Variants in FAT3 observed in about 807,000 individuals in gnomAD.
The protein encoded by FAT3 is protocadherin Fat 3.
A neutral mutation model predicts 310.2 loss-of-function variants in FAT3; 95 were observed. The observed-to-expected ratio is 0.31, with a 90% CI of 0.26 to 0.36. The LOEUF is 0.36. FAT3 is among the 10% of genes least tolerant of loss of function. The probability of loss-of-function intolerance (pLI) is 1.00; values close to 1 mark genes in which losing one functional copy is unlikely to be tolerated. For missense variants in FAT3, 5,408 were observed against 5,715.6 expected, an observed-to-expected ratio of 0.95 and a Z score of 1.74; for synonymous variants, 2,314 against 2,192.9, an observed-to-expected ratio of 1.06 and a Z score of -1.54.
chr11:92,308,487 A>G (rs1947198888), intron 1 of FAT3, among the ~76,000 whole-genome samples: 1 of 152,328 alleles, frequency 6.6e-6, no homozygotes, highest in South Asian at 2.1e-4. Flanking sequence ...AGAAAAAAAT[A>G]CTATTTTTAA....
At chr11:92,344,431 C>G (rs1290566968) in intron 1 of FAT3, among the ~76,000 whole-genome samples, 2 of 152,122 alleles carry the variant, frequency 1.3e-5, no homozygotes, top group African/African-American at 4.8e-5. Flanking sequence ...ATCACCAATC[C>G]TGGTATTGCA....
chr11:92,535,966 A>G (rs1014818554), intron 3 of FAT3, among the ~76,000 whole-genome samples: 1 of 151,252 alleles, frequency 6.6e-6, no homozygotes, highest in African/African-American at 2.4e-5. Flanking sequence ...GCACTTTTTT[A>G]AAAAAGCATT....
intron 4 of FAT3, among the ~76,000 whole-genome samples, chr11:92,758,550 C>T (rs1293818424): frequency 6.6e-6 from 1 of 152,196 alleles, no homozygotes; most frequent in Non-Finnish European, 1.5e-5. Flanking sequence ...GCAGACAGTA[C>T]AGGCTGATCA....
chr11:92,843,329 G>T (rs1017292033), intron 18 of FAT3, among the ~76,000 whole-genome samples: 1 of 152,154 alleles, frequency 6.6e-6, no homozygotes, highest in African/African-American at 2.4e-5. Flanking sequence ...CCTTGCATGC[G>T]ATGGGTGTTC....
intron 20 of FAT3, among the ~76,000 whole-genome samples, chr11:92,858,498 C>T (rs953288955): frequency 2.0e-5 from 3 of 152,114 alleles, no homozygotes; most frequent in East Asian, 1.9e-4. Flanking sequence ...CCCAGCAAGG[C>T]AGCTTTTCAG....
intron 1 of FAT3, among the ~76,000 whole-genome samples, chr11:92,282,391 G>C (rs578031996): frequency 6.6e-6 from 1 of 152,046 alleles, no homozygotes; most frequent in Non-Finnish European, 1.5e-5. Context: ...TTGGCCAGGC[G>C]CAGTGTCTCA....
At chr11:92,373,405 C>T (rs1336672664) in intron 2 of FAT3, among the ~76,000 whole-genome samples, 1 of 152,108 alleles carries the variant, frequency 6.6e-6, no homozygotes, top group Non-Finnish European at 1.5e-5. Context: ...ATAACTCAGC[C>T]TCGTCAAAAT....
intron 12 of FAT3, 21 bp from the exon 13 acceptor site, chr11:92,809,822 T>C (rs754359017): frequency 6.3e-7 from 1 of 1,592,034 alleles, no homozygotes. Context: ...AGACCAATCA[T>C]GCTGCCATTT....
At chr11:92,444,808 C>G (rs899593330) in intron 2 of FAT3, among the ~76,000 whole-genome samples, 1 of 152,096 alleles carries the variant, frequency 6.6e-6, no homozygotes, top group African/African-American at 2.4e-5. Context: ...GACACATCAA[C>G]AGGAAGTTAG....
At chr11:92,366,494 C>G (rs1565261796) in intron 2 of FAT3, 4 of 453,366 alleles carry the variant, frequency 8.8e-6, no homozygotes, top group South Asian at 6.8e-5. Context: ...GCCCGCCAGC[C>G]CTCACTTCTT....
intron 2 of FAT3, among the ~76,000 whole-genome samples, chr11:92,389,317 T>G (rs528383419): frequency 6.6e-6 from 1 of 152,326 alleles, no homozygotes; most frequent in South Asian, 2.1e-4. Context: ...ATGAGTTTCT[T>G]GGGAACCTGG....
chr11:92,444,177 G>T (rs144757340), intron 2 of FAT3, among the ~76,000 whole-genome samples: 1 of 152,172 alleles, frequency 6.6e-6, no homozygotes, highest in East Asian at 1.9e-4. Flanking sequence ...GAGGGGTGGT[G>T]GTTGTGTTCC....
At chr11:92,275,015 G>A (rs752014952) in intron 1 of FAT3, among the ~76,000 whole-genome samples, 1 of 152,094 alleles carries the variant, frequency 6.6e-6, no homozygotes, top group Non-Finnish European at 1.5e-5. Context: ...CGATATTTTA[G>A]CTATGTTTGT....
At chr11:92,310,618 C>A (rs1394508616) in intron 1 of FAT3, among the ~76,000 whole-genome samples, 1 of 151,964 alleles carries the variant, frequency 6.6e-6, no homozygotes, top group East Asian at 1.9e-4. Context: ...TTAGTGTATT[C>A]ATTACCTGAA....
intron 1 of FAT3, among the ~76,000 whole-genome samples, chr11:92,269,067 A>G (rs766073346): frequency 6.6e-6 from 1 of 152,178 alleles, no homozygotes; most frequent in Non-Finnish European, 1.5e-5. Context: ...AAAATATCAC[A>G]TATCTCAAAT....
At chr11:92,253,274 A>G (rs1865199290) in intron 1 of FAT3, among the ~76,000 whole-genome samples, 1 of 151,958 alleles carries the variant, frequency 6.6e-6, no homozygotes, top group Non-Finnish European at 1.5e-5. Flanking sequence ...TTCTGAGTGG[A>G]GCTAAGAAAT....
intron 1 of FAT3, among the ~76,000 whole-genome samples, chr11:92,286,269 C>T (rs1240714566): frequency 2.6e-5 from 4 of 152,216 alleles, no homozygotes; most frequent in South Asian, 2.1e-4. Flanking sequence ...TCTTTTCTAT[C>T]GACCTCTAGG....
chr11:92,450,114 C>G (rs577663990), intron 2 of FAT3, among the ~76,000 whole-genome samples: 45 of 152,344 alleles, frequency 3.0e-4, no homozygotes, highest in East Asian at 1.9e-3. Context: ...GCTTTGACAA[C>G]TGTGTATACG....
chr11:92,360,863 C>A (rs1427620780), intron 2 of FAT3, among the ~76,000 whole-genome samples: 1 of 152,158 alleles, frequency 6.6e-6, no homozygotes, highest in Non-Finnish European at 1.5e-5. Flanking sequence ...CAGACAGGGT[C>A]ACACATCTGG....
Sources: gnomAD v4.1 joint callset for allele counts (sites outside exome capture counted in the v4.1 genomes callset) on GRCh38, gnomAD v4.1.1 for gene constraint, MANE v1.5 for transcripts, NCBI Gene and HGNC (gene_info 2026-07-23, HGNC 2026-07-21) for gene names.